Variants in HS6ST3 observed in about 807,000 individuals in gnomAD.
The protein encoded by HS6ST3 is heparan sulfate 6-O-sulfotransferase 3, also known as heparan-sulfate 6-O-sulfotransferase 3.
HS6ST3 carries 12 observed loss-of-function variants against 36.7 expected under a neutral mutation model. That is an observed-to-expected ratio of 0.33 (90% confidence interval 0.21 to 0.53). The LOEUF (loss-of-function observed/expected upper bound fraction) is 0.53. Ranked by LOEUF, HS6ST3 falls within the 20% of genes least tolerant of loss-of-function variation. The probability of loss-of-function intolerance (pLI) is 0.95; values close to 1 mark genes in which losing one functional copy is unlikely to be tolerated. For missense variants in HS6ST3, 584 were observed against 640.9 expected (o/e 0.91, Z 0.96); for synonymous variants, 240 against 257.5 (o/e 0.93, Z 0.65).
At chr13:96,717,176 C>T (rs1428727898) in intron 1 of HS6ST3, among the ~76,000 whole-genome samples, 5 of 152,098 alleles carry the variant, frequency 3.3e-5, no homozygotes, top group Non-Finnish European at 5.9e-5. Context: ...GGGATGTAGT[C>T]AAGAAAGAGA....
chr13:96,590,373 A>T (rs891168389), intron 1 of HS6ST3, among the ~76,000 whole-genome samples: 1 of 152,034 alleles, frequency 6.6e-6, no homozygotes, highest in Non-Finnish European at 1.5e-5. Context: ...TTTGGATGAA[A>T]GCACTTTTAA....
intron 1 of HS6ST3, among the ~76,000 whole-genome samples, chr13:96,509,814 T>C (rs1365799868): frequency 6.6e-6 from 1 of 152,182 alleles, no homozygotes; most frequent in Non-Finnish European, 1.5e-5. Flanking sequence ...TTAGGATTGC[T>C]TTAGATATTT....
intron 1 of HS6ST3, among the ~76,000 whole-genome samples, chr13:96,749,550 A>G (rs1415012509): frequency 6.6e-6 from 1 of 152,166 alleles, no homozygotes; most frequent in African/African-American, 2.4e-5. Flanking sequence ...CCAATGTTAT[A>G]TCAGCATTGT....
At chr13:96,693,602 C>T (rs571344429) in intron 1 of HS6ST3, among the ~76,000 whole-genome samples, 4 of 152,208 alleles carry the variant, frequency 2.6e-5, no homozygotes, top group East Asian at 3.9e-4. Context: ...CATGACCAGC[C>T]GGCCAGATTC....
chr13:96,178,495 T>G (rs7338183), intron 1 of HS6ST3, among the ~76,000 whole-genome samples: 1 of 151,758 alleles, frequency 6.6e-6, no homozygotes, highest in Non-Finnish European at 1.5e-5. Flanking sequence ...CTATACACTG[T>G]GCTGGTAAAT....
intron 1 of HS6ST3, among the ~76,000 whole-genome samples, chr13:96,180,238 T>G (rs1299153702): frequency 6.6e-6 from 1 of 152,152 alleles, no homozygotes; most frequent in Admixed American, 6.5e-5. Flanking sequence ...TGTGCATTAG[T>G]CAGGGGCTCT....
chr13:96,204,619 C>G (rs2054360343), intron 1 of HS6ST3, among the ~76,000 whole-genome samples: 1 of 152,078 alleles, frequency 6.6e-6, no homozygotes, highest in African/African-American at 2.4e-5. Flanking sequence ...TAAGCAAATG[C>G]AGAGGAACTG....
Position 96,838,716 on chromosome 13 carries a change from C to T in HS6ST3, c.*5518C>T, listed in dbSNP as rs1878998200. The T allele has an allele frequency of 6.6e-6, 1 of 152,126 alleles. No homozygotes were observed. Among genetic ancestry groups the T allele is most frequent in the Non-Finnish European group, 1.5e-5 (1 of 68,062 alleles). 9.4% of individuals were successfully genotyped at this position (152,126 alleles called of 1,614,324 possible). A position where few individuals can be genotyped will look rare whatever the true frequency, so the allele number is the denominator to read the frequency against. On this transcript the variant is annotated 3_prime_UTR_variant, in exon 2 of 2. Coordinates refer to ENST00000376705, the MANE Select transcript of HS6ST3 (RefSeq NM_153456.4). ...AATTCCTTGAGACTTCAAATTAGCC[C>T]TTCTGAGCAAGTGGGCAGGTTCTGA...
chr13:96,491,464 C>T (rs2055945003), intron 1 of HS6ST3, among the ~76,000 whole-genome samples: 1 of 101,536 alleles, frequency 9.8e-6, no homozygotes, highest in Admixed American at 1.3e-4. Flanking sequence ...AATTGTAGTA[C>T]TAATGTGCAA....
Position 96,552,350 on chromosome 13 carries a change from C to T in HS6ST3, c.708-280140C>T, listed in dbSNP as rs1241620138. ...CTGATTTATAAGATCAACACAGGGG[C>T]AGCTATGGACAGTAGCTGACCCCAG... On this transcript the variant is annotated intron_variant, in intron 1 of 1. Transcript: ENST00000376705. Among the ~76,000 whole-genome samples, 4 of 152,264 alleles carry T rather than the reference C, an allele frequency of 2.6e-5. No individual in the cohort carries two copies. The East Asian group carries it at 7.7e-4, about 29-fold the overall frequency.
intron 1 of HS6ST3, among the ~76,000 whole-genome samples, chr13:96,809,085 G>A (rs973012717): frequency 1.3e-5 from 2 of 152,180 alleles, no homozygotes; most frequent in Non-Finnish European, 2.9e-5. Context: ...CTAACCATTT[G>A]AGCTATTGGC....
intron 1 of HS6ST3, among the ~76,000 whole-genome samples, chr13:96,269,321 G>A (rs1459530015): frequency 6.6e-6 from 1 of 151,900 alleles, no homozygotes; most frequent in African/African-American, 2.4e-5. Flanking sequence ...ATGAAGTCTT[G>A]GGTTGCATCC....
intron 1 of HS6ST3, among the ~76,000 whole-genome samples, chr13:96,139,706 A>G (rs763633956): frequency 1.4e-4 from 22 of 152,030 alleles, no homozygotes; most frequent in Non-Finnish European, 2.6e-4. Flanking sequence ...CAGTGTATGA[A>G]ACATAGCAAT....
rs1024850330 is a variant in HS6ST3 at position 96,837,559 on chromosome 13, T to C, written c.*4361T>C. 2.6e-5 allele frequency: 4 copies of C among 152,256 alleles called. No individual in the cohort carries two copies. Among genetic ancestry groups the C allele is most frequent in the African/African-American group, 9.6e-5 (4 of 41,462 alleles). The allele number at this position is 152,256 out of a possible 1,614,324, so 9.4% of individuals were successfully genotyped here. A position where few individuals can be genotyped will look rare whatever the true frequency, so the allele number is the denominator to read the frequency against. Reference sequence around the variant, plus strand: ...CAAGAATATGAAATGTAAATCTTTATTGATTTATATCCTTCCTTACCTTTT... The same window carrying C: ...CAAGAATATGAAATGTAAATCTTTACTGATTTATATCCTTCCTTACCTTTT... On this transcript the variant is annotated 3_prime_UTR_variant, in exon 2 of 2. Transcript: ENST00000376705.
At chr13:96,131,937 C>T (rs567145003) in intron 1 of HS6ST3, among the ~76,000 whole-genome samples, 1 of 151,980 alleles carries the variant, frequency 6.6e-6, no homozygotes, top group South Asian at 2.1e-4. Flanking sequence ...ATATGGTACT[C>T]TACTTTTTAT....
chr13:96,458,297 A>T (rs1441062344), intron 1 of HS6ST3, among the ~76,000 whole-genome samples: 1 of 152,086 alleles, frequency 6.6e-6, no homozygotes, highest in Non-Finnish European at 1.5e-5. Flanking sequence ...ATGTAATCAT[A>T]TTGCTAGTTA....
chr13:96,321,950 A>C (rs556685072), intron 1 of HS6ST3, among the ~76,000 whole-genome samples: 1 of 152,090 alleles, frequency 6.6e-6, no homozygotes, highest in Non-Finnish European at 1.5e-5. Flanking sequence ...AACTCCCAAC[A>C]GTTCTCCATC....
chr13:96,358,723 T>C (rs1001940574), intron 1 of HS6ST3, among the ~76,000 whole-genome samples: 34 of 152,286 alleles, frequency 2.2e-4, no homozygotes, highest in Middle Eastern at 3.4e-3. Flanking sequence ...TATATCAGTT[T>C]ATATATTGAA....
chr13:96,570,914 T>A (rs1272132747), intron 1 of HS6ST3, among the ~76,000 whole-genome samples: 1 of 152,154 alleles, frequency 6.6e-6, no homozygotes, highest in Non-Finnish European at 1.5e-5. Context: ...ATGTAACATA[T>A]AAGCTGGATC....
Sources: gnomAD v4.1 joint callset for allele counts (sites outside exome capture counted in the v4.1 genomes callset) on GRCh38, gnomAD v4.1.1 for gene constraint, MANE v1.5 for transcripts, NCBI Gene and HGNC (gene_info 2026-07-23, HGNC 2026-07-21) for gene names.